The following AKAP3 variants were observed in gnomAD, a reference collection of about 807,000 sequenced individuals.
The protein encoded by AKAP3 is A-kinase anchor protein 3.
Under a neutral mutation model 57.2 loss-of-function variants are expected in AKAP3, and 27 were observed. That is an observed-to-expected ratio of 0.47 (90% confidence interval 0.35 to 0.65). AKAP3 has a LOEUF of 0.65. Ranked by LOEUF, AKAP3 falls within the 30% of genes least tolerant of loss-of-function variation. The pLI is 0.01. For missense variants in AKAP3, 959 were observed against 1,040.0 expected (o/e 0.92, Z 1.07); for synonymous variants, 334 against 392.3 (o/e 0.85, Z 1.76).
At chr12:4,624,824 G>GTGTGTGTGTGTGTGTGTGTGTGTGTA (rs143324716) in intron 5 of AKAP3, among the ~76,000 whole-genome samples, 6,139 of 140,958 alleles carry the variant, frequency 0.044, 227 homozygotes, top group African/African-American at 0.077. Flanking sequence ...GTGTGTGTGT[G>GTGTGTGTGTGTGTGTGTGTGTGTGTA]TATATAAAAG....
rs911468623 is a variant in AKAP3, at chr12:4,628,017, A to G, written c.885T>C (p.Asp295=). The change falls in exon 5 of 6, where the codon GAT becomes GAC. Residue 295 remains aspartate (D), a synonymous_variant. Coordinates refer to ENST00000228850, the MANE Select transcript of AKAP3 (RefSeq NM_001278309.2). ...GTGTCTTCATGATGGAGACCATCATATCAGATACCACACTGTTAGCATAGG... is the reference window on the plus strand; with the variant it reads ...GTGTCTTCATGATGGAGACCATCATGTCAGATACCACACTGTTAGCATAGG... ...IMTYANSVVS[D]MMVSIMKTLK... 2.5e-6 allele frequency: 4 copies of G among 1,613,970 alleles called. No homozygotes were observed. The Admixed American group carries it at 6.7e-5, about 27-fold the overall frequency.
chr12:4,626,314 T>A (rs1371575835), intron 5 of AKAP3, among the ~76,000 whole-genome samples, 182 bp downstream of exon 5: 1 of 152,224 alleles, frequency 6.6e-6, no homozygotes, highest in Non-Finnish European at 1.5e-5. Context: ...TGATACGCCT[T>A]GGATTGGGCA....
chr12:4,623,482 T>C (rs1421297707), intron 5 of AKAP3, among the ~76,000 whole-genome samples: 1 of 152,278 alleles, frequency 6.6e-6, no homozygotes, highest in East Asian at 1.9e-4. Flanking sequence ...TTGGAGGCCA[T>C]TGCCATTGGC....
chr12:4,636,332 G>T (rs1171058714), intron 4 of AKAP3, among the ~76,000 whole-genome samples: 2 of 152,238 alleles, frequency 1.3e-5, no homozygotes, highest in Non-Finnish European at 1.5e-5. Context: ...TATGGCGGTG[G>T]TGGTGGCCGT....
At chr12:4,634,738 A>G (rs1186369935) in intron 4 of AKAP3, among the ~76,000 whole-genome samples, 1 of 5,882 alleles carries the variant, frequency 1.7e-4, no homozygotes, top group African/African-American at 1.9e-4. Context: ...TTACCCCATT[A>G]AAAAAAAACA....
At chr12:4,631,284 G>T (rs755698733) in intron 4 of AKAP3, 1 of 699,650 alleles carries the variant, frequency 1.4e-6, no homozygotes, top group Non-Finnish European at 2.6e-6. Flanking sequence ...TGAGGCAACA[G>T]AAAATCTGTT....
chr12:4,635,706 C>T, intron 4 of AKAP3: 1 of 712,080 alleles, frequency 1.4e-6, no homozygotes, highest in South Asian at 1.6e-5. Flanking sequence ...GCTATGGCTG[C>T]TTGTGCTCCT....
chr12:4,634,381 T>C (rs1945538601), intron 4 of AKAP3, among the ~76,000 whole-genome samples: 1 of 152,226 alleles, frequency 6.6e-6, no homozygotes, highest in Admixed American at 6.5e-5. Flanking sequence ...TGTATACTTT[T>C]AAGCAACTCT....
intron 5 of AKAP3, among the ~76,000 whole-genome samples, chr12:4,622,683 A>G (rs1482543357): frequency 2.0e-5 from 3 of 152,238 alleles, no homozygotes; most frequent in South Asian, 2.1e-4. Flanking sequence ...ACCCTAGAAG[A>G]ACACCTAGAC....
chr12:4,625,743 GAGAGA>G lies in AKAP3; in HGVS notation c.2406+748_2406+752del, dbSNP rs778430091. 1.3e-5 allele frequency among the ~76,000 whole-genome samples: 2 copies of G among 151,784 alleles called. No homozygotes were observed. The highest frequency in any genetic ancestry group is 2.9e-5 in the Non-Finnish European group (2 of 67,968). On this transcript the variant is annotated intron_variant, in intron 5 of 5. Coordinates refer to ENST00000228850, the MANE Select transcript of AKAP3 (RefSeq NM_001278309.2). This position sits in a 1 kb window ranked among gnomAD's most constrained non-coding sequence, Gnocchi z 5.4. The stretch of plus-strand genomic sequence containing the variant: ...CAAGCGAGCGAGAAGGCAGAGAGGA[GAGAGA>G]AGAGAAGGTTGTAGGGATGGTCTTT...
chr12:4,648,621 GAC>G (rs1385515599), intron 1 of AKAP3, 122 bp downstream of exon 1: 1 of 152,440 alleles, frequency 6.6e-6, no homozygotes, highest in East Asian at 1.9e-4. Flanking sequence ...ATTTACTTGG[GAC>G]ACACCCTATT....
In AKAP3 at chr12:4,627,298, A is replaced by G. The variant is rs762237719; in HGVS notation, c.1604T>C (p.Ile535Thr). ...TCCTCCCTGGGCCAGGTGATATTGA[A>G]TCAGAAGCAGGGCAGACACGATCAG... ...EDLIVSALLL[I>T]QYHLAQGGRR... Residue 535 changes from isoleucine to threonine, a missense_variant, in exon 5 of 6, where the codon ATT (isoleucine) becomes ACT (threonine). Ile to Thr is a moderately conservative substitution (Grantham distance 89, BLOSUM62 -1). Transcript: ENST00000228850. The G allele has an allele frequency of 6.2e-7, 1 of 1,613,992 alleles. No individual in the cohort carries two copies.
rs1035220696 is a variant in AKAP3 at position 4,625,301 on chromosome 12, A to C, written c.2406+1195T>G. Among the ~76,000 whole-genome samples the C allele has an allele frequency of 1.3e-5, 2 of 152,204 alleles. No homozygotes were observed. Among genetic ancestry groups the C allele is most frequent in the African/African-American group, 2.4e-5 (1 of 41,448 alleles). ...TCTGGAGGGAAGTGTGAGATTCTGCACTTCTAAAAAGCTCCCAGGTGATGC... is the reference window on the plus strand; with the variant it reads ...TCTGGAGGGAAGTGTGAGATTCTGCCCTTCTAAAAAGCTCCCAGGTGATGC... On this transcript the variant is annotated intron_variant, in intron 5 of 5. Coordinates refer to ENST00000228850, the MANE Select transcript of AKAP3 (RefSeq NM_001278309.2). The surrounding 1 kb of genome is among the most constrained non-coding windows in gnomAD (Gnocchi z 5.4).
At chr12:4,620,624 A>G (rs1429080339) in intron 5 of AKAP3, among the ~76,000 whole-genome samples, 1 of 152,142 alleles carries the variant, frequency 6.6e-6, no homozygotes, top group Non-Finnish European at 1.5e-5. Context: ...TGAACCACAG[A>G]CTGTACATAT....
chr12:4,622,934 AAAAC>A (rs1945363246), intron 5 of AKAP3, among the ~76,000 whole-genome samples: 1 of 152,180 alleles, frequency 6.6e-6, no homozygotes, highest in Non-Finnish European at 1.5e-5. Context: ...TTGCAAGAAA[AAAAC>A]AACCCCATTA....
chr12:4,631,989 T>C (rs1380512807), intron 4 of AKAP3, among the ~76,000 whole-genome samples: 1 of 152,250 alleles, frequency 6.6e-6, no homozygotes, highest in African/African-American at 2.4e-5. Flanking sequence ...TTTAACCAAG[T>C]TGAATAATCA....
intron 4 of AKAP3, among the ~76,000 whole-genome samples, chr12:4,631,601 A>T (rs976526295): frequency 1.0e-4 from 15 of 143,428 alleles, no homozygotes; most frequent in African/African-American, 3.8e-4. Context: ...GCTCACACAC[A>T]CACACGCACA....
Position 4,625,807 on chromosome 12 carries a change from G to A in AKAP3, c.2406+689C>T, listed in dbSNP as rs1042119523. The stretch of plus-strand genomic sequence containing the variant: ...CGCACTTCAGTGTGAAGCATCTGGG[G>A]TAAGTGTGCGTGTTCTCCAGACTCA... On this transcript the variant is annotated intron_variant, in intron 5 of 5. Transcript: ENST00000228850. This position sits in a 1 kb window ranked among gnomAD's most constrained non-coding sequence, Gnocchi z 5.4. Among the ~76,000 whole-genome samples the A allele has an allele frequency of 6.6e-6, 1 of 152,068 alleles. No individual in the cohort carries two copies. The highest frequency in any genetic ancestry group is 1.5e-5 in the Non-Finnish European group (1 of 68,026).
intron 5 of AKAP3, among the ~76,000 whole-genome samples, chr12:4,616,224 C>T (rs1333919671): frequency 6.6e-6 from 1 of 152,196 alleles, no homozygotes; most frequent in East Asian, 1.9e-4. Context: ...ATGCTGCTTT[C>T]CATGCCCCAT....
Sources: gnomAD v4.1 joint callset for allele counts (sites outside exome capture counted in the v4.1 genomes callset) on GRCh38, gnomAD v4.1.1 for gene constraint, Gnocchi (gnomAD v3.1) non-coding constraint, MANE v1.5 for transcripts, NCBI Gene and HGNC (gene_info 2026-07-23, HGNC 2026-07-21) for gene names.